The following NF1 variants were observed in gnomAD, a reference collection of about 807,000 sequenced individuals.
NF1 encodes the protein neurofibromin 1, also known as neurofibromin.
NF1 carries 122 observed loss-of-function variants against 325.7 expected under a neutral mutation model. The ratio of observed to expected loss-of-function variants is 0.37; its 90% CI spans 0.32 to 0.44. NF1 has a LOEUF of 0.44. Among genes scored for constraint, NF1 ranks in the 20% least tolerant of loss-of-function variants. The pLI, the probability that NF1 is intolerant of heterozygous loss-of-function variation, is 1.00. For synonymous variants in NF1, 1,091 were observed against 1,186.0 expected (o/e 0.92, Z 1.65); for missense variants, 2,140 against 3,415.4 (o/e 0.63, Z 9.31).
intron 17 of NF1, among the ~76,000 whole-genome samples, 185 bp downstream of exon 17, chr17:31,225,435 A>G (rs1012962078): frequency 6.6e-6 from 1 of 152,066 alleles, no homozygotes; most frequent in Non-Finnish European, 1.5e-5. Flanking sequence ...CAGTTCCTCA[A>G]CTTTAAAATG....
chr17:31,133,932 C>T (rs1268792969), intron 1 of NF1, among the ~76,000 whole-genome samples: 1 of 152,246 alleles, frequency 6.6e-6, no homozygotes, highest in Non-Finnish European at 1.5e-5. Flanking sequence ...GTTGGGATTA[C>T]AGGCATGAGC....
chr17:31,181,513 T>G, intron 6 of NF1, 24 bp downstream of exon 6: 1 of 1,609,648 alleles, frequency 6.2e-7, no homozygotes, highest in South Asian at 1.1e-5. Context: ...TCTCTGGTAT[T>G]AAAATTTTGT....
intron 36 of NF1, chr17:31,294,926 G>A (rs750685597): frequency 1.9e-5 from 29 of 1,562,142 alleles, no homozygotes; most frequent in Middle Eastern, 3.3e-4. Flanking sequence ...AATATAGCTC[G>A]AATCACTGGT....
chr17:31,156,862 A>G (rs1024767541), intron 2 of NF1, among the ~76,000 whole-genome samples: 2 of 152,168 alleles, frequency 1.3e-5, no homozygotes, highest in Admixed American at 1.3e-4. Flanking sequence ...TTCCTATTTA[A>G]CATCTCCATT....
At chr17:31,095,554 G>A in intron 1 of NF1, 185 bp downstream of exon 1, 1 of 612,786 alleles carries the variant, frequency 1.6e-6, no homozygotes, top group Non-Finnish European at 2.8e-6. Flanking sequence ...GGGGTAGGAG[G>A]GGACAGCTGG....
intron 36 of NF1, among the ~76,000 whole-genome samples, chr17:31,298,370 G>A (rs2068507997): frequency 6.6e-6 from 1 of 152,030 alleles, no homozygotes; most frequent in Non-Finnish European, 1.5e-5. Flanking sequence ...TTACCAAGTG[G>A]CACCATTTAA....
At chr17:31,115,161 A>G (rs1297963562) in intron 1 of NF1, among the ~76,000 whole-genome samples, 1 of 152,056 alleles carries the variant, frequency 6.6e-6, no homozygotes, top group East Asian at 1.9e-4. Context: ...GCCTGGAGAC[A>G]TTTTTAATTG....
intron 36 of NF1, among the ~76,000 whole-genome samples, chr17:31,293,603 C>T (rs1302736620): frequency 1.3e-5 from 2 of 152,150 alleles, no homozygotes; most frequent in Non-Finnish European, 2.9e-5. Context: ...TGTTACTTTT[C>T]TCTCTCTCAA....
intron 54 of NF1, chr17:31,358,216 A>G (rs982525969): frequency 2.0e-6 from 1 of 506,514 alleles, no homozygotes; most frequent in Admixed American, 3.2e-5. Flanking sequence ...ATATGGTTAC[A>G]CATGGTTATA....
intron 1 of NF1, chr17:31,137,921 A>T (rs949221513): frequency 6.6e-6 from 1 of 152,170 alleles, no homozygotes; most frequent in African/African-American, 2.4e-5. Flanking sequence ...CCCCAATGCC[A>T]TTCTGGTTTC....
intron 57 of NF1, among the ~76,000 whole-genome samples, chr17:31,370,248 G>A (rs2151597527): frequency 6.6e-6 from 1 of 152,242 alleles, no homozygotes; most frequent in South Asian, 2.1e-4. Context: ...GAAGCTTTTG[G>A]TTATGAGGGA....
Position 31,159,044 on chromosome 17 carries a change from A to G in NF1, c.239A>G (p.Tyr80Cys), listed in dbSNP as rs4795581. Residue 80 changes from tyrosine to cysteine, a missense_variant, in exon 3 of 58, where the codon TAT (tyrosine) becomes TGT (cysteine). Physicochemically the swap from Tyr to Cys is radical, Grantham distance 194. Transcript: ENST00000358273. ...GGAGAAGCTGCTGAAAAAAATTTAT[A>G]TCTCTCTCAGTTGATTATATTGGAT... ...IFGEAAEKNL[Y>C]LSQLIILDTL... The G allele has an allele frequency of 1.9e-6, 3 of 1,609,122 alleles. No individual in the cohort carries two copies. Among genetic ancestry groups the G allele is most frequent in the Non-Finnish European group, 1.7e-6 (2 of 1,175,702 alleles).
intron 29 of NF1, among the ~76,000 whole-genome samples, chr17:31,237,570 C>G (rs553656683): frequency 3.9e-5 from 6 of 152,112 alleles, no homozygotes; most frequent in African/African-American, 1.2e-4. Flanking sequence ...AGCCACCACG[C>G]CTGGCCAAAG....
At chr17:31,295,116 C>T (rs1172536810) in intron 36 of NF1, 1 of 1,614,174 alleles carries the variant, frequency 6.2e-7, no homozygotes, top group Non-Finnish European at 8.5e-7. Flanking sequence ...GTGGTTGTCT[C>T]TTCCCTCCAT....
At chr17:31,269,489 A>G (rs2067852399) in intron 36 of NF1, among the ~76,000 whole-genome samples, 1 of 152,216 alleles carries the variant, frequency 6.6e-6, no homozygotes, top group Non-Finnish European at 1.5e-5. Flanking sequence ...GCAATGTGTT[A>G]ATTTTGCTTG....
At chr17:31,189,773 T>C (rs957776456) in intron 8 of NF1, among the ~76,000 whole-genome samples, 1 of 150,454 alleles carries the variant, frequency 6.6e-6, no homozygotes, top group African/African-American at 2.4e-5. Flanking sequence ...TTTTTTTTTT[T>C]TTTTTGAGAC....
intron 1 of NF1, among the ~76,000 whole-genome samples, chr17:31,134,287 C>G (rs948415863): frequency 2.0e-5 from 3 of 152,088 alleles, no homozygotes; most frequent in Admixed American, 1.3e-4. Flanking sequence ...TAATTGTATC[C>G]TACAAGTTTC....
intron 1 of NF1, chr17:31,095,590 A>C: frequency 2.2e-5 from 12 of 533,646 alleles, no homozygotes; most frequent in East Asian, 3.4e-5. Flanking sequence ...TTCCCTCCTA[A>C]GTCGGGGGGT....
chr17:31,330,757 A>G lies in NF1; in HGVS notation c.5812+259A>G, dbSNP rs553337592. The G allele has an allele frequency of 5.6e-5, 22 of 392,430 alleles. No individual in the cohort carries two copies. The highest frequency in any genetic ancestry group is 9.1e-5 in the Non-Finnish European group (20 of 219,910). 24.3% of individuals were successfully genotyped at this position (392,430 alleles called of 1,614,324 possible). Reference sequence around the variant, plus strand: ...TTGGTACTTTACACACCTCTGGACCACTTACAAAGTATTTTCTTCACTGTT... The same window carrying G: ...TTGGTACTTTACACACCTCTGGACCGCTTACAAAGTATTTTCTTCACTGTT... On this transcript the variant is annotated intron_variant, in intron 39 of 57. Coordinates refer to ENST00000358273, the MANE Select transcript of NF1 (RefSeq NM_001042492.3).
Sources: gnomAD v4.1 joint callset for allele counts (sites outside exome capture counted in the v4.1 genomes callset) on GRCh38, gnomAD v4.1.1 for gene constraint, MANE v1.5 for transcripts, NCBI Gene and HGNC (gene_info 2026-07-23, HGNC 2026-07-21) for gene names.